ZFPM1: variants seen among roughly 807,000 people sequenced by gnomAD.
ZFPM1 encodes the protein zinc finger protein ZFPM1.
A neutral mutation model predicts 46.3 loss-of-function variants in ZFPM1; 28 were observed. The observed-to-expected ratio is 0.60, with a 90% CI of 0.45 to 0.83. The LOEUF (loss-of-function observed/expected upper bound fraction) is 0.83, where lower values mean the gene tolerates loss of function less well. Ranked by LOEUF, ZFPM1 falls within the 40% of genes least tolerant of loss-of-function variation. ZFPM1 has a pLI of 0.00. For missense variants in ZFPM1, 1,878 were observed against 1,432.4 expected, an observed-to-expected ratio of 1.31 and a Z score of -5.02; for synonymous variants, 957 against 675.9, an observed-to-expected ratio of 1.42 and a Z score of -6.45.
chr16:88,472,710 T>TC (rs1269948122), intron 1 of ZFPM1, among the ~76,000 whole-genome samples: 1 of 152,226 alleles, frequency 6.6e-6, no homozygotes, highest in Non-Finnish European at 1.5e-5. Context: ...ATTAACCCTT[T>TC]CCCGTGTACA....
At chr16:88,513,167 G>A (rs930741936) in intron 3 of ZFPM1, 1 of 152,246 alleles carries the variant, frequency 6.6e-6, no homozygotes, top group Non-Finnish European at 1.5e-5. Context: ...GGCATTCTGG[G>A]TGGGCTGGCA....
chr16:88,516,462 T>C (rs116690614), intron 4 of ZFPM1: 19,227 of 398,246 alleles, frequency 0.048, 1,202 homozygotes, highest in African/African-American at 0.21. Flanking sequence ...TGGGGCTCTG[T>C]GGGGAGCCCG....
In ZFPM1 at chr16:88,497,753, C is replaced by T. The variant is rs369716021; in HGVS notation, c.268+8600C>T. 6.2e-4 allele frequency among the ~76,000 whole-genome samples: 94 copies of T among 152,260 alleles called. 3 individuals carry two copies. The South Asian group carries it at 0.019, about 31-fold the overall frequency. On this transcript the variant is annotated intron_variant, in intron 3 of 9. Transcript: ENST00000319555. This position sits in a 1 kb window ranked among gnomAD's most constrained non-coding sequence, Gnocchi z 5.4. ...TTCCTGCCTGAGGCCCACGAAGGGTCCCCCGCCCCAGGGTCCCGACAGGGC... is the reference window on the plus strand; with the variant it reads ...TTCCTGCCTGAGGCCCACGAAGGGTTCCCCGCCCCAGGGTCCCGACAGGGC...
intron 1 of ZFPM1, among the ~76,000 whole-genome samples, chr16:88,454,866 T>G (rs987925516): frequency 6.6e-6 from 1 of 151,942 alleles, no homozygotes; most frequent in African/African-American, 2.4e-5. Context: ...GGGCACTACC[T>G]CCTTTGTCCA....
At chr16:88,505,781 C>G (rs548772832) in intron 3 of ZFPM1, among the ~76,000 whole-genome samples, 292 of 152,326 alleles carry the variant, frequency 1.9e-3, no homozygotes, top group Middle Eastern at 3.4e-3. Context: ...GACCACCGTG[C>G]TGGTGGGCGG....
chr16:88,480,778 G>A lies in ZFPM1; in HGVS notation c.41-5161G>A, dbSNP rs550455368. 2.9e-3 allele frequency among the ~76,000 whole-genome samples: 437 copies of A among 152,272 alleles called. 2 individuals carry two copies. Among genetic ancestry groups the A allele is most frequent in the African/African-American group, 9.4e-3 (392 of 41,562 alleles). On this transcript the variant is annotated intron_variant, in intron 1 of 9. Coordinates refer to ENST00000319555, the MANE Select transcript of ZFPM1 (RefSeq NM_153813.3). This position sits in a 1 kb window ranked among gnomAD's most constrained non-coding sequence, Gnocchi z 4.9. ...CTCCTCATCCACAGCCCCCATCTGCGCCCCACCTGGCATGTCCACCCTGGG... is the reference window on the plus strand; with the variant it reads ...CTCCTCATCCACAGCCCCCATCTGCACCCCACCTGGCATGTCCACCCTGGG...
rs1041103619 is a variant in ZFPM1 at position 88,480,923 on chromosome 16, C to A, written c.41-5016C>A. Among the ~76,000 whole-genome samples the A allele has an allele frequency of 6.6e-6, 1 of 152,334 alleles. No individual in the cohort carries two copies. The highest frequency in any genetic ancestry group is 6.5e-5 in the Admixed American group (1 of 15,304). On this transcript the variant is annotated intron_variant, in intron 1 of 9. Coordinates refer to ENST00000319555, the MANE Select transcript of ZFPM1 (RefSeq NM_153813.3). This position sits in a 1 kb window ranked among gnomAD's most constrained non-coding sequence, Gnocchi z 4.9. ...CAAAGCCGGGAGGGGCCACCTTAAT[C>A]GTCGGTGTGGGGACTTGGAAGGGAG...
chr16:88,526,756 A>G, intron 4 of ZFPM1, 58 bp from the exon 5 acceptor site: 1 of 1,515,522 alleles, frequency 6.6e-7, no homozygotes, highest in Non-Finnish European at 8.9e-7. Flanking sequence ...ACTCACGGGA[A>G]CCCCCAGGCA....
intron 3 of ZFPM1, among the ~76,000 whole-genome samples, chr16:88,510,785 C>G (rs1555526626): frequency 6.6e-6 from 1 of 152,210 alleles, no homozygotes; most frequent in Non-Finnish European, 1.5e-5. Flanking sequence ...CTGGTTCAAA[C>G]CCACCCACCC....
chr16:88,478,041 G>A (rs1039581369), intron 1 of ZFPM1, among the ~76,000 whole-genome samples: 1 of 152,210 alleles, frequency 6.6e-6, no homozygotes, highest in African/African-American at 2.4e-5. Context: ...CCCATGGCAG[G>A]GTGTGTGGGA....
chr16:88,520,857 G>GTGGA (rs1419731758), intron 4 of ZFPM1, among the ~76,000 whole-genome samples: 1 of 91,914 alleles, frequency 1.1e-5, no homozygotes, highest in Non-Finnish European at 2.2e-5. Flanking sequence ...GTGTGGGTGG[G>GTGGA]TGGATGGATG....
At chr16:88,499,973 G>C (rs947417014) in intron 3 of ZFPM1, among the ~76,000 whole-genome samples, 1 of 152,204 alleles carries the variant, frequency 6.6e-6, no homozygotes, top group African/African-American at 2.4e-5. Context: ...CTGGTGGTTG[G>C]GGGGCGGGGG....
rs557782608 is a variant in ZFPM1, at chr16:88,497,784, C to G, written c.268+8631C>G. ...CCCCAGGGTCCCGACAGGGCCCGCC[C>G]GAGGCTGGGAATCCTCACCCGAGTG... On this transcript the variant is annotated intron_variant, in intron 3 of 9. Transcript: ENST00000319555. The surrounding 1 kb of genome is among the most constrained non-coding windows in gnomAD (Gnocchi z 5.4). Among the ~76,000 whole-genome samples, 2 of 152,270 alleles carry G rather than the reference C, an allele frequency of 1.3e-5. No homozygotes were observed. The highest frequency in any genetic ancestry group is 6.5e-5 in the Admixed American group (1 of 15,302).
intron 4 of ZFPM1, among the ~76,000 whole-genome samples, chr16:88,520,231 G>A (rs1220668502): frequency 6.6e-6 from 1 of 151,386 alleles, no homozygotes; most frequent in Non-Finnish European, 1.5e-5. Flanking sequence ...TAGGTAGATG[G>A]ATTGACGGCT....
chr16:88,532,850 C>A lies in ZFPM1; in HGVS notation c.1104C>A (p.Val368=). The A allele has an allele frequency of 6.2e-7, 1 of 1,613,504 alleles. No individual in the cohort carries two copies. The highest frequency in any genetic ancestry group is 8.5e-7 in the Non-Finnish European group (1 of 1,179,972). The stretch of plus-strand genomic sequence containing the variant: ...GGGACATCCTCTACAGCCACTTGGT[C>A]ACCAACCACATGGTCTGCCAGCCTG... ...TTRDILYSHL[V]TNHMVCQPGS... is the part of the protein sequence containing the mutation. Residue 368 remains valine, a synonymous_variant, in exon 9 of 10, where the codon GTC becomes GTA. Coordinates refer to ENST00000319555, the MANE Select transcript of ZFPM1 (RefSeq NM_153813.3).
intron 1 of ZFPM1, among the ~76,000 whole-genome samples, chr16:88,455,880 G>T (rs1470711231): frequency 6.6e-6 from 1 of 152,128 alleles, no homozygotes; most frequent in Non-Finnish European, 1.5e-5. Context: ...GGCAGCTCGG[G>T]ACCCCCGGCG....
At chr16:88,482,070 G>A (rs1417709373) in intron 1 of ZFPM1, among the ~76,000 whole-genome samples, 1 of 152,226 alleles carries the variant, frequency 6.6e-6, no homozygotes, top group African/African-American at 2.4e-5. Context: ...GCAGCTGTCA[G>A]CCTGCCTGGC....
chr16:88,521,694 ATGCTGTTCCCTCTCCCCTG>A (rs1395702451), intron 4 of ZFPM1, among the ~76,000 whole-genome samples: 23 of 66,914 alleles, frequency 3.4e-4, no homozygotes, highest in East Asian at 2.9e-3. Context: ...TCCCTCCCTC[ATGCTGTTCCCTCTCCCCTG>A]TGCTGTTCCC....
intron 3 of ZFPM1, among the ~76,000 whole-genome samples, chr16:88,503,881 G>C (rs1910512499): frequency 6.6e-6 from 1 of 151,940 alleles, no homozygotes; most frequent in African/African-American, 2.4e-5. Flanking sequence ...GAGGTGACGA[G>C]CCTGAAGGGT....
Sources: gnomAD v4.1 joint callset for allele counts (sites outside exome capture counted in the v4.1 genomes callset) on GRCh38, gnomAD v4.1.1 for gene constraint, Gnocchi (gnomAD v3.1) non-coding constraint, MANE v1.5 for transcripts, NCBI Gene and HGNC (gene_info 2026-07-23, HGNC 2026-07-21) for gene names.